The following TBC1D2B variants were observed in gnomAD, a reference collection of about 807,000 sequenced individuals.
The protein encoded by TBC1D2B is TBC1 domain family, member 2B.
Under a neutral mutation model 100.8 loss-of-function variants are expected in TBC1D2B, and 64 were observed. That is an observed-to-expected ratio of 0.64 (90% CI 0.52 to 0.78). The LOEUF is 0.78. Among genes scored for constraint, TBC1D2B ranks in the 30% least tolerant of loss-of-function variants. The pLI is 0.00. For missense variants in TBC1D2B, 1,052 were observed against 1,218.4 expected (o/e 0.86, Z 2.03); for synonymous variants, 480 against 479.7 (o/e 1.00, Z -0.01).
At chr15:78,062,449 A>C (rs61693026) in intron 1 of TBC1D2B, among the ~76,000 whole-genome samples, 5,495 of 152,300 alleles carry the variant, frequency 0.036, 143 homozygotes, top group African/African-American at 0.062. Context: ...AGATCCCATT[A>C]ATCTTTAGTT....
chr15:78,070,026 C>G (rs1393184964), intron 1 of TBC1D2B, among the ~76,000 whole-genome samples: 1 of 152,218 alleles, frequency 6.6e-6, no homozygotes, highest in Non-Finnish European at 1.5e-5. Context: ...AAACAAAAAC[C>G]TATTTGTCAA....
intron 7 of TBC1D2B, among the ~76,000 whole-genome samples, chr15:78,017,514 T>C (rs2072407832): frequency 6.6e-6 from 1 of 152,218 alleles, no homozygotes; most frequent in Non-Finnish European, 1.5e-5. Flanking sequence ...CTATTAAAAA[T>C]GCTTATGAAC....
Position 77,996,116 on chromosome 15 carries a change from C to T in TBC1D2B, c.*2044G>A, listed in dbSNP as rs546055669. On this transcript the variant is annotated 3_prime_UTR_variant, in exon 13 of 13. Transcript: ENST00000300584. ...GAAAGTGTCCCCAGTCCCTTTCCTC[C>T]AGGAACTCTCCTGCTGTCGCACACA... The T allele has an allele frequency of 1.6e-3, 246 of 151,966 alleles. No individual in the cohort carries two copies. The highest frequency in any genetic ancestry group is 5.5e-3 in the African/African-American group (228 of 41,402). 9.4% of individuals were successfully genotyped at this position (151,966 alleles called of 1,614,324 possible). A position where few individuals can be genotyped will look rare whatever the true frequency, so the allele number is the denominator to read the frequency against.
At chr15:78,008,364 C>T (rs1381714114) in intron 10 of TBC1D2B, among the ~76,000 whole-genome samples, 5 of 152,240 alleles carry the variant, frequency 3.3e-5, no homozygotes, top group Non-Finnish European at 5.9e-5. Context: ...TGCATCACCA[C>T]GTTCATTCCC....
intron 10 of TBC1D2B, among the ~76,000 whole-genome samples, chr15:78,003,816 C>T (rs2071985862): frequency 6.6e-6 from 1 of 152,200 alleles, no homozygotes; most frequent in African/African-American, 2.4e-5. Context: ...GTAGGACAGT[C>T]AGCCTTGCCA....
chr15:78,004,509 T>C (rs1388200975), intron 10 of TBC1D2B, among the ~76,000 whole-genome samples: 1 of 152,140 alleles, frequency 6.6e-6, no homozygotes, highest in Non-Finnish European at 1.5e-5. Flanking sequence ...AGCCAGGGGC[T>C]TTCCTAGCCA....
At chr15:78,023,297 G>A (rs539917537) in intron 6 of TBC1D2B, among the ~76,000 whole-genome samples, 27 of 152,288 alleles carry the variant, frequency 1.8e-4, no homozygotes, top group African/African-American at 6.5e-4. Flanking sequence ...TCTGGGGTCT[G>A]CTGGGGTCAA....
intron 3 of TBC1D2B, among the ~76,000 whole-genome samples, chr15:78,040,268 T>C (rs935190667): frequency 1.3e-5 from 2 of 152,106 alleles, no homozygotes; most frequent in African/African-American, 2.4e-5. Flanking sequence ...AAATGAAAAA[T>C]GTGGTTAAAG....
At chr15:78,006,272 C>G (rs2072064729) in intron 10 of TBC1D2B, among the ~76,000 whole-genome samples, 1 of 152,222 alleles carries the variant, frequency 6.6e-6, no homozygotes, top group African/African-American at 2.4e-5. Context: ...TCTTTGAAAG[C>G]TATTAGCTTT....
Position 78,003,437 on chromosome 15 carries a change from A to AAT in TBC1D2B, c.2441_2442insAT (p.His814GlnfsTer64). The stretch of plus-strand genomic sequence containing the variant: ...CGACTTTGTACTGTTCAAAGTGGCC[A>AAT]TGCAACCGAGGCAGCTTCTCACTCA... On this transcript the variant is annotated frameshift_variant, in exon 11 of 13. Coordinates refer to ENST00000300584, the MANE Select transcript of TBC1D2B (RefSeq NM_144572.2). LOFTEE classifies it high-confidence loss of function. 1 of 1,613,710 alleles carries AAT rather than the reference A, an allele frequency of 6.2e-7. No homozygotes were observed. The highest frequency in any genetic ancestry group is 8.5e-7 in the Non-Finnish European group (1 of 1,179,680).
In TBC1D2B at chr15:78,001,680, G is replaced by C; in HGVS notation, c.2635C>G (p.Gln879Glu). 6.2e-7 allele frequency: 1 copy of C among 1,608,252 alleles called. No homozygotes were observed. Among genetic ancestry groups the C allele is most frequent in the Non-Finnish European group, 8.5e-7 (1 of 1,177,256 alleles). The change falls in exon 12 of 13, where the codon CAA becomes GAA. Residue 879 changes from glutamine to glutamate, a missense_variant. By Grantham distance (29) the Gln-to-Glu change is conservative. Coordinates refer to ENST00000300584, the MANE Select transcript of TBC1D2B (RefSeq NM_144572.2). ...TACTTAAATATAGACATCGAATCTT[G>C]CAATTTCAAAATCTCCTCTTCCTTG... ...KYKEEEILKL[Q>E]DSMSIFKYLR...
intron 9 of TBC1D2B, among the ~76,000 whole-genome samples, chr15:78,009,901 G>C (rs1205666888): frequency 6.6e-6 from 1 of 151,734 alleles, no homozygotes; most frequent in Non-Finnish European, 1.5e-5. Context: ...CGTGAACCCG[G>C]GAGGCAGAGC....
chr15:78,025,294 G>A lies in TBC1D2B; in HGVS notation c.1051C>T (p.Leu351=), dbSNP rs370550166. ...GACAGGTCTTTCTTTAACTGTTCCA[G>A]CTCTTCCTGCTGGCTCTGGACCTGC... ...QLQVQSQQEE[L]EQLKKDLSSQ... Residue 351 remains leucine, a synonymous_variant, in exon 5 of 13, where the codon CTG becomes TTG. Coordinates refer to ENST00000300584, the MANE Select transcript of TBC1D2B (RefSeq NM_144572.2). 1.2e-6 allele frequency: 2 copies of A among 1,613,702 alleles called. No individual in the cohort carries two copies. Among genetic ancestry groups the A allele is most frequent in the African/African-American group, 2.7e-5 (2 of 74,904 alleles).
At chr15:78,033,776 T>C (rs2072877281) in intron 3 of TBC1D2B, among the ~76,000 whole-genome samples, 1 of 152,236 alleles carries the variant, frequency 6.6e-6, no homozygotes, top group Non-Finnish European at 1.5e-5. Flanking sequence ...TGGCTTTACC[T>C]CTAGTTTGAA....
At chr15:78,014,252 C>T (rs1156239768) in intron 8 of TBC1D2B, among the ~76,000 whole-genome samples, 1 of 152,160 alleles carries the variant, frequency 6.6e-6, no homozygotes, top group Non-Finnish European at 1.5e-5. Context: ...TATTAAGTGA[C>T]AAATTTGTGT....
At chr15:78,056,684 CTCTTTTTTTTTTTTTT>C (rs1429433718) in intron 1 of TBC1D2B, among the ~76,000 whole-genome samples, 2 of 121,566 alleles carry the variant, frequency 1.6e-5, no homozygotes, top group Non-Finnish European at 1.7e-5. Context: ...CCCAGTCCTC[CTCTTTTTTTTTTTTTT>C]TTTTTTTTTT....
intron 3 of TBC1D2B, among the ~76,000 whole-genome samples, chr15:78,033,342 T>C (rs565140117): frequency 6.6e-6 from 1 of 152,214 alleles, no homozygotes; most frequent in Admixed American, 6.5e-5. Context: ...AGGAATAAAA[T>C]ACGAAAACAC....
chr15:78,008,922 C>T (rs886103360), intron 10 of TBC1D2B, 75 bp downstream of exon 10: 15 of 1,056,508 alleles, frequency 1.4e-5, no homozygotes, highest in East Asian at 7.8e-5. Flanking sequence ...TCACCCTGAC[C>T]GCAGGTTTAA....
chr15:77,998,398 C>T (rs1352423662), intron 12 of TBC1D2B, 43 bp from the exon 13 acceptor site: 5 of 1,516,386 alleles, frequency 3.3e-6, no homozygotes, highest in Non-Finnish European at 3.6e-6. Flanking sequence ...AGCGGCGCTC[C>T]AGAGAGTGCT....
Sources: allele counts gnomAD v4.1 joint callset (sites outside exome capture counted in the v4.1 genomes callset), GRCh38; gene constraint gnomAD v4.1.1; transcripts MANE v1.5; gene names NCBI Gene and HGNC (gene_info 2026-07-23, HGNC 2026-07-21).